The following VAT1L variants were observed in gnomAD, a reference collection of about 807,000 sequenced individuals.
VAT1L encodes putative NADPH-dependent quinone oxidoreductase VAT1L.
Under a neutral mutation model 44.1 loss-of-function variants are expected in VAT1L, and 34 were observed. The ratio of observed to expected loss-of-function variants is 0.77; its 90% CI spans 0.59 to 1.03. VAT1L has a LOEUF of 1.03. Ranked by LOEUF, VAT1L falls within the 50% of genes least tolerant of loss-of-function variation. The pLI is 0.00. For synonymous variants in VAT1L, 253 were observed against 202.2 expected (o/e 1.25, Z -2.13); for missense variants, 615 against 538.8 (o/e 1.14, Z -1.40).
At chr16:77,871,570 G>C (rs758888113) in intron 4 of VAT1L, among the ~76,000 whole-genome samples, 2 of 152,120 alleles carry the variant, frequency 1.3e-5, no homozygotes, top group African/African-American at 4.8e-5. Flanking sequence ...AGATGTGATG[G>C]AACAAACTAA....
chr16:77,788,915 G>C lies in VAT1L; in HGVS notation c.233G>C (p.Cys78Ser). 1 of 1,499,392 alleles carries C rather than the reference G, an allele frequency of 6.7e-7. No homozygotes were observed. Among genetic ancestry groups the C allele is most frequent in the South Asian group, 1.3e-5 (1 of 75,432 alleles). 92.9% of individuals were successfully genotyped at this position (1,499,392 alleles called of 1,614,324 possible). Reference protein sequence around the residue: ...DGELKIRVKACGLNFIDLMVR... With the variant: ...DGELKIRVKASGLNFIDLMVR... ...GAGCTCAAGATCCGCGTCAAAGCCT[G>C]GTCCAGTATCCGCGCCTTTCTCGCT... Residue 78 changes from cysteine to serine, a missense_variant and splice_region_variant, in exon 1 of 9, where the codon TGT becomes TCT. Coordinates refer to ENST00000302536, the MANE Select transcript of VAT1L (RefSeq NM_020927.3).
chr16:77,971,370 A>G (rs2018276219), intron 7 of VAT1L, among the ~76,000 whole-genome samples: 1 of 152,148 alleles, frequency 6.6e-6, no homozygotes, highest in African/African-American at 2.4e-5. Flanking sequence ...TTTCCTCCCA[A>G]TAACCAGAAT....
At chr16:77,904,845 G>T (rs1172232613) in intron 7 of VAT1L, among the ~76,000 whole-genome samples, 3 of 151,842 alleles carry the variant, frequency 2.0e-5, no homozygotes, top group Admixed American at 2.0e-4. Flanking sequence ...TTTTTCAATT[G>T]ACACATGGTT....
intron 3 of VAT1L, among the ~76,000 whole-genome samples, chr16:77,842,329 C>G (rs2145260740): frequency 6.6e-6 from 1 of 152,310 alleles, no homozygotes; most frequent in African/African-American, 2.4e-5. Flanking sequence ...GTGTCTGGCC[C>G]TGTACAAGGC....
At chr16:77,967,841 G>T (rs929361667) in intron 7 of VAT1L, among the ~76,000 whole-genome samples, 1 of 152,130 alleles carries the variant, frequency 6.6e-6, no homozygotes, top group African/African-American at 2.4e-5. Context: ...GATCTATGAC[G>T]TGAGACACTA....
At position 77,892,589 on chromosome 16, in the gene VAT1L, A is replaced by C. The variant is rs2017279390; in HGVS notation, c.1077+7787A>C. The C allele has an allele frequency of 1.1e-5, 7 of 644,144 alleles. No individual in the cohort carries two copies. The East Asian group carries it at 2.6e-4, about 24-fold the overall frequency. The allele number at this position is 644,144 out of a possible 1,614,324, so 39.9% of individuals were successfully genotyped here. A position where few individuals can be genotyped will look rare whatever the true frequency, so the allele number is the denominator to read the frequency against. ...TAAGGGTTCATGCTTTCACAGAATT[A>C]TTCCAGGGTTTATGTGTCAAGGTGG... On this transcript the variant is annotated intron_variant, in intron 7 of 8. Coordinates refer to ENST00000302536, the MANE Select transcript of VAT1L (RefSeq NM_020927.3).
At chr16:77,824,395 G>T (rs1397100591) in intron 2 of VAT1L, among the ~76,000 whole-genome samples, 2 of 152,180 alleles carry the variant, frequency 1.3e-5, no homozygotes, top group East Asian at 3.9e-4. Context: ...TGTATTACTT[G>T]TGAAATGTAT....
In VAT1L at chr16:77,879,866, C is replaced by T. The variant is rs2017131107; in HGVS notation, c.882+642C>T. On this transcript the variant is annotated intron_variant, in intron 6 of 8. Coordinates refer to ENST00000302536, the MANE Select transcript of VAT1L (RefSeq NM_020927.3). This position sits in a 1 kb window ranked among gnomAD's most constrained non-coding sequence, Gnocchi z 4.1. The stretch of plus-strand genomic sequence containing the variant: ...TTCTTTGCTCCATAGAGCGGCCAGC[C>T]TTTCACTTTGCTACTTTCTGACCAG... Among the ~76,000 whole-genome samples, 1 of 152,164 alleles carries T rather than the reference C, an allele frequency of 6.6e-6. No homozygotes were observed. The highest frequency in any genetic ancestry group is 1.5e-5 in the Non-Finnish European group (1 of 68,022).
rs991394630 is a variant in VAT1L at position 77,979,567 on chromosome 16, C to T, written c.*1872C>T. 1 of 152,138 alleles carries T rather than the reference C, an allele frequency of 6.6e-6. No individual in the cohort carries two copies. The highest frequency in any genetic ancestry group is 1.9e-4 in the East Asian group (1 of 5,190). The allele number at this position is 152,138 out of a possible 1,614,324, so 9.4% of individuals were successfully genotyped here. A position where few individuals can be genotyped will look rare whatever the true frequency, so the allele number is the denominator to read the frequency against. On this transcript the variant is annotated 3_prime_UTR_variant, in exon 9 of 9. Coordinates refer to ENST00000302536, the MANE Select transcript of VAT1L (RefSeq NM_020927.3). ...TCCAGAGCTGAAGGAGTGAAGAGCCCTTGGCCATACTAGGGCTCTCCTTCC... is the reference window on the plus strand; with the variant it reads ...TCCAGAGCTGAAGGAGTGAAGAGCCTTTGGCCATACTAGGGCTCTCCTTCC...
chr16:77,814,868 A>G (rs1389881416), intron 1 of VAT1L, among the ~76,000 whole-genome samples: 2 of 152,232 alleles, frequency 1.3e-5, no homozygotes, highest in African/African-American at 2.4e-5. Flanking sequence ...TTCCTAAAAT[A>G]TATCACATAC....
chr16:77,890,189 GA>G (rs1161955490), intron 7 of VAT1L, among the ~76,000 whole-genome samples: 2 of 152,142 alleles, frequency 1.3e-5, no homozygotes, highest in South Asian at 4.2e-4. Flanking sequence ...GATGACACTG[GA>G]GTTACCAGAA....
intron 7 of VAT1L, among the ~76,000 whole-genome samples, chr16:77,917,397 C>G (rs2142490839): frequency 6.6e-6 from 1 of 152,244 alleles, no homozygotes; most frequent in South Asian, 2.1e-4. Flanking sequence ...ACCACATTAC[C>G]TTTAATATTG....
intron 2 of VAT1L, among the ~76,000 whole-genome samples, chr16:77,824,586 T>C (rs1381865004): frequency 6.6e-6 from 1 of 151,576 alleles, no homozygotes; most frequent in Non-Finnish European, 1.5e-5. Context: ...AAACCCTGTC[T>C]CTACTAAAAA....
At chr16:77,880,142 T>C (rs143236000) in intron 6 of VAT1L, among the ~76,000 whole-genome samples, 39 of 152,308 alleles carry the variant, frequency 2.6e-4, no homozygotes, top group African/African-American at 9.1e-4. Flanking sequence ...CTATACTTGC[T>C]AGAATTATAC....
chr16:77,812,789 C>T (rs989473773), intron 1 of VAT1L, among the ~76,000 whole-genome samples: 1 of 152,132 alleles, frequency 6.6e-6, no homozygotes, highest in Non-Finnish European at 1.5e-5. Context: ...TTTTTCAAAC[C>T]TCTATCTTCA....
intron 7 of VAT1L, among the ~76,000 whole-genome samples, chr16:77,933,466 A>G (rs528054558): frequency 7.9e-5 from 12 of 152,380 alleles, no homozygotes; most frequent in South Asian, 2.1e-4. Context: ...TTTGGCAGAC[A>G]CTGCTCTCCT....
rs527242828 is a variant in VAT1L, at chr16:77,819,548, A to AT, written c.363+2504dup. Among the ~76,000 whole-genome samples, 10 of 151,872 alleles carry AT rather than the reference A, an allele frequency of 6.6e-5. No individual in the cohort carries two copies. The East Asian group carries it at 1.9e-3, about 30-fold the overall frequency. ...AGGTGCCTGCCACCACACCTGGCTA[A>AT]TTTTTTGTATTTTTAGTAAAGACAG... On this transcript the variant is annotated intron_variant, in intron 2 of 8. Transcript: ENST00000302536.
At chr16:77,812,166 A>G (rs2016276571) in intron 1 of VAT1L, among the ~76,000 whole-genome samples, 1 of 149,748 alleles carries the variant, frequency 6.7e-6, no homozygotes, top group Admixed American at 6.7e-5. Context: ...ACTGCCTTCC[A>G]AGTTTAAGCG....
At chr16:77,954,171 G>C (rs2018076059) in intron 7 of VAT1L, among the ~76,000 whole-genome samples, 1 of 152,220 alleles carries the variant, frequency 6.6e-6, no homozygotes, top group Non-Finnish European at 1.5e-5. Flanking sequence ...GCACTGAGCA[G>C]AAATCAAGTT....
Sources: allele counts gnomAD v4.1 joint callset (sites outside exome capture counted in the v4.1 genomes callset), GRCh38; gene constraint gnomAD v4.1.1; non-coding constraint Gnocchi (gnomAD v3.1); transcripts MANE v1.5; gene names NCBI Gene and HGNC (gene_info 2026-07-23, HGNC 2026-07-21).